AUH: variants seen among roughly 807,000 people sequenced by gnomAD.
AUH encodes the protein AU RNA binding methylglutaconyl-CoA hydratase.
In AUH, 29 loss-of-function variants were observed where a neutral mutation model predicts 42.3. The observed-to-expected ratio is 0.69, with a 90% confidence interval of 0.51 to 0.93. The LOEUF (loss-of-function observed/expected upper bound fraction) is 0.93, where lower values mean the gene tolerates loss of function less well. Ranked by LOEUF, AUH falls within the 40% of genes least tolerant of loss-of-function variation. AUH has a pLI of 0.00. For synonymous variants in AUH, 174 were observed against 166.4 expected (o/e 1.05, Z -0.35); for missense variants, 452 against 438.1 (o/e 1.03, Z -0.28).
intron 6 of AUH, among the ~76,000 whole-genome samples, chr9:91,252,171 T>C (rs1204561750): frequency 6.6e-6 from 1 of 152,124 alleles, no homozygotes; most frequent in African/African-American, 2.4e-5. Context: ...TTCACCATCT[T>C]GGCCAGGATG....
chr9:91,316,531 C>CTCA (rs1829170807), intron 4 of AUH, among the ~76,000 whole-genome samples: 2 of 152,340 alleles, frequency 1.3e-5, no homozygotes, highest in Admixed American at 6.5e-5. Flanking sequence ...ATCCACTTAA[C>CTCA]TCACTAACTC....
At chr9:91,360,041 C>CA (rs2038871168) in intron 1 of AUH, among the ~76,000 whole-genome samples, 2 of 151,688 alleles carry the variant, frequency 1.3e-5, no homozygotes, top group African/African-American at 4.8e-5. Flanking sequence ...CCATGATACC[C>CA]AAAAAAATTT....
At chr9:91,254,708 C>T (rs1283162290) in intron 6 of AUH, among the ~76,000 whole-genome samples, 1 of 152,198 alleles carries the variant, frequency 6.6e-6, no homozygotes, top group Admixed American at 6.5e-5. Context: ...ATATTGGCAA[C>T]CATTCGTATG....
At chr9:91,332,899 C>T (rs1830433911) in intron 3 of AUH, among the ~76,000 whole-genome samples, 1 of 152,212 alleles carries the variant, frequency 6.6e-6, no homozygotes. Flanking sequence ...GACACAAAAA[C>T]CCTCACTGTG....
At chr9:91,295,948 A>G in intron 6 of AUH, 73 bp downstream of exon 6, 1 of 1,528,512 alleles carries the variant, frequency 6.5e-7, no homozygotes, top group Non-Finnish European at 9.1e-7. Context: ...TTTCCAATTA[A>G]CATGATTTTG....
Position 91,361,821 on chromosome 9 carries a change from C to A in AUH, c.69G>T (p.Val23=). 6.6e-7 allele frequency: 1 copy of A among 1,507,922 alleles called. No homozygotes were observed. Among genetic ancestry groups the A allele is most frequent in the Non-Finnish European group, 8.8e-7 (1 of 1,133,238 alleles). 93.4% of individuals were successfully genotyped at this position (1,507,922 alleles called of 1,614,324 possible). ...GSLHAGGARL[V]AACSAWLCPG... is the part of the protein sequence containing the mutation. ...GGCAGAGCCACGCACTGCAAGCGGC[C>A]ACCAGGCGGGCGCCGCCAGCATGCA... Residue 23 remains valine, a synonymous_variant, in exon 1 of 10, where the codon GTG becomes GTT. Coordinates refer to ENST00000375731, the MANE Select transcript of AUH (RefSeq NM_001698.3).
intron 6 of AUH, among the ~76,000 whole-genome samples, chr9:91,286,755 TCTAC>T (rs1178783074): frequency 2.0e-5 from 3 of 151,392 alleles, no homozygotes; most frequent in African/African-American, 4.9e-5. Context: ...TATCTACCTA[TCTAC>T]CTACCTACCT....
At chr9:91,265,711 A>C (rs1185523606) in intron 6 of AUH, among the ~76,000 whole-genome samples, 3 of 152,208 alleles carry the variant, frequency 2.0e-5, no homozygotes, top group Non-Finnish European at 4.4e-5. Context: ...GTGCAACATC[A>C]AAATCCATAT....
intron 4 of AUH, among the ~76,000 whole-genome samples, chr9:91,319,516 C>T (rs2131823685): frequency 6.6e-6 from 1 of 152,298 alleles, no homozygotes; most frequent in South Asian, 2.1e-4. Context: ...GCAGTCTCCT[C>T]GAAATATCAG....
At chr9:91,318,267 C>T (rs1467433325) in intron 4 of AUH, among the ~76,000 whole-genome samples, 1 of 152,202 alleles carries the variant, frequency 6.6e-6, no homozygotes, top group Non-Finnish European at 1.5e-5. Flanking sequence ...TGGTTGATCA[C>T]TTCAGTGATT....
intron 9 of AUH, among the ~76,000 whole-genome samples, chr9:91,215,043 A>G (rs16907285): frequency 0.029 from 4,413 of 152,268 alleles, 120 homozygotes; most frequent in East Asian, 0.14. Context: ...GTACTCATCA[A>G]TGACAGGTGG....
intron 6 of AUH, among the ~76,000 whole-genome samples, chr9:91,246,928 C>A (rs1490762789): frequency 6.6e-6 from 1 of 152,142 alleles, no homozygotes; most frequent in African/African-American, 2.4e-5. Flanking sequence ...CGGAGCCATG[C>A]CAGCAGCGGA....
At chr9:91,339,684 C>T (rs901771612) in intron 3 of AUH, among the ~76,000 whole-genome samples, 1 of 152,188 alleles carries the variant, frequency 6.6e-6, no homozygotes, top group Non-Finnish European at 1.5e-5. Flanking sequence ...TTCTTCAATA[C>T]CATTCCCCAC....
At chr9:91,238,993 C>T (rs1367409914) in intron 6 of AUH, among the ~76,000 whole-genome samples, 1 of 152,130 alleles carries the variant, frequency 6.6e-6, no homozygotes, top group Non-Finnish European at 1.5e-5. Flanking sequence ...ATGTTACTTC[C>T]CCCTTTTTAT....
At chr9:91,297,349 C>T (rs1372621554) in intron 5 of AUH, among the ~76,000 whole-genome samples, 1 of 151,876 alleles carries the variant, frequency 6.6e-6, no homozygotes, top group Non-Finnish European at 1.5e-5. Context: ...GGCACTAATT[C>T]TTTTCACTCT....
At chr9:91,339,994 G>C (rs1046508124) in intron 3 of AUH, among the ~76,000 whole-genome samples, 1 of 152,218 alleles carries the variant, frequency 6.6e-6, no homozygotes, top group Admixed American at 6.5e-5. Flanking sequence ...CAGAGGAAGA[G>C]CTCCAGTAAA....
At chr9:91,343,582 G>A (rs1831263858) in intron 3 of AUH, among the ~76,000 whole-genome samples, 1 of 152,126 alleles carries the variant, frequency 6.6e-6, no homozygotes, top group African/African-American at 2.4e-5. Context: ...TGGCCAACAT[G>A]GTGAAACCCC....
chr9:91,325,257 T>C, intron 4 of AUH, 61 bp downstream of exon 4: 5 of 1,369,746 alleles, frequency 3.7e-6, no homozygotes, highest in Admixed American at 1.7e-5. Context: ...TGTGTAACTT[T>C]TTAAATGTGA....
chr9:91,215,911 T>C (rs1826792470), intron 9 of AUH, 148 bp downstream of exon 9: 6 of 796,452 alleles, frequency 7.5e-6, no homozygotes, highest in South Asian at 7.5e-5. Context: ...TGGTAACAAA[T>C]AGCAGAAACA....
Sources: allele counts gnomAD v4.1 joint callset (sites outside exome capture counted in the v4.1 genomes callset), GRCh38; gene constraint gnomAD v4.1.1; transcripts MANE v1.5; gene names NCBI Gene and HGNC (gene_info 2026-07-23, HGNC 2026-07-21).